PALS1: variants seen among roughly 807,000 people sequenced by gnomAD.
PALS1 encodes protein PALS1.
PALS1 carries 31 observed loss-of-function variants against 78.9 expected under a neutral mutation model. The ratio of observed to expected loss-of-function variants is 0.39; its 90% CI spans 0.30 to 0.53. PALS1 has a LOEUF of 0.53. PALS1 is among the 20% of genes least tolerant of loss of function. PALS1 has a pLI of 0.67. For missense variants in PALS1, 704 were observed against 826.5 expected, an observed-to-expected ratio of 0.85 and a Z score of 1.82; for synonymous variants, 276 against 270.9, an observed-to-expected ratio of 1.02 and a Z score of -0.18.
chr14:67,316,482 T>C (rs1266891139), intron 9 of PALS1, among the ~76,000 whole-genome samples: 1 of 152,194 alleles, frequency 6.6e-6, no homozygotes, highest in Non-Finnish European at 1.5e-5. Flanking sequence ...ATATCCTTAA[T>C]TTGAGATAAT....
At chr14:67,332,326 T>A (rs1370695058) in intron 14 of PALS1, among the ~76,000 whole-genome samples, 1 of 152,182 alleles carries the variant, frequency 6.6e-6, no homozygotes, top group African/African-American at 2.4e-5. Context: ...CTGCAGCAGA[T>A]AGTATAGGGC....
chr14:67,242,954 T>G (rs2083926025), intron 1 of PALS1, among the ~76,000 whole-genome samples: 1 of 152,186 alleles, frequency 6.6e-6, no homozygotes, highest in Non-Finnish European at 1.5e-5. Context: ...GTTTAGCTTT[T>G]ACATGATCTT....
At chr14:67,308,931 C>G (rs2085049571) in intron 8 of PALS1, among the ~76,000 whole-genome samples, 1 of 151,990 alleles carries the variant, frequency 6.6e-6, no homozygotes, top group Non-Finnish European at 1.5e-5. Flanking sequence ...TGTAAATAAA[C>G]TGATGAATCA....
chr14:67,299,833 G>C (rs2084908160), intron 4 of PALS1, among the ~76,000 whole-genome samples: 1 of 152,168 alleles, frequency 6.6e-6, no homozygotes, highest in Non-Finnish European at 1.5e-5. Flanking sequence ...TTATTGAGCT[G>C]ACTCAGTGTA....
intron 1 of PALS1, among the ~76,000 whole-genome samples, chr14:67,258,502 C>T (rs1190716579): frequency 6.6e-6 from 1 of 152,176 alleles, no homozygotes; most frequent in Admixed American, 6.5e-5. Flanking sequence ...CTTACTGCAG[C>T]CTTGACCTCC....
At position 67,310,808 on chromosome 14, in the gene PALS1, A is replaced by T. The variant is rs1453294931; in HGVS notation, c.1042-1719A>T. Among the ~76,000 whole-genome samples, 7 of 152,150 alleles carry T rather than the reference A, an allele frequency of 4.6e-5. No individual in the cohort carries two copies. The East Asian group carries it at 7.7e-4, about 17-fold the overall frequency. ...AATATTCTTTAATGACAAGCCAAAA[A>T]TTTTTTAAAAAGCCATTTATCTGTC... On this transcript the variant is annotated intron_variant, in intron 8 of 14. Coordinates refer to ENST00000261681, the MANE Select transcript of PALS1 (RefSeq NM_022474.4).
chr14:67,326,220 G>GTTTTT (rs1344517448), intron 14 of PALS1, among the ~76,000 whole-genome samples: 1 of 30,344 alleles, frequency 3.3e-5, no homozygotes, highest in African/African-American at 1.3e-4. Flanking sequence ...ATTTAGGTCT[G>GTTTTT]ATTTTTTTTT....
chr14:67,333,099 A>G lies in PALS1; in HGVS notation c.*143A>G, dbSNP rs2141073118. 1.5e-6 allele frequency: 1 copy of G among 675,876 alleles called. No homozygotes were observed. The highest frequency in any genetic ancestry group is 2.4e-6 in the Non-Finnish European group (1 of 417,502). 41.9% of individuals were successfully genotyped at this position (675,876 alleles called of 1,614,324 possible). A position where few individuals can be genotyped will look rare whatever the true frequency, so the allele number is the denominator to read the frequency against. ...GATCTGTTCTTAGATCTCTTGAATTAGTGAGACGACAGTTCCCTTAGGCAG... is the reference window on the plus strand; with the variant it reads ...GATCTGTTCTTAGATCTCTTGAATTGGTGAGACGACAGTTCCCTTAGGCAG... On this transcript the variant is annotated 3_prime_UTR_variant, in exon 15 of 15. Transcript: ENST00000261681.
intron 3 of PALS1, among the ~76,000 whole-genome samples, chr14:67,289,928 G>A (rs921288537): frequency 4.6e-5 from 7 of 151,844 alleles, no homozygotes; most frequent in African/African-American, 1.2e-4. Context: ...CCACCACCAC[G>A]CCCGGCTAAT....
intron 2 of PALS1, among the ~76,000 whole-genome samples, chr14:67,272,613 C>T (rs1177626880): frequency 1.3e-5 from 2 of 152,026 alleles, no homozygotes; most frequent in Admixed American, 6.6e-5. Flanking sequence ...CACTTTTTGC[C>T]CTCCTATATG....
At chr14:67,323,634 A>C (rs911839145) in intron 13 of PALS1, 68 bp from the exon 14 acceptor site, 4 of 418,432 alleles carry the variant, frequency 9.6e-6, no homozygotes, top group Admixed American at 9.0e-5. Context: ...ATATATATAT[A>C]TATCAGTATT....
At chr14:67,279,665 C>G in intron 3 of PALS1, 128 bp downstream of exon 3, 3 of 953,782 alleles carry the variant, frequency 3.1e-6, no homozygotes, top group Non-Finnish European at 4.4e-6. Flanking sequence ...GACCAAGATC[C>G]TTTGTTTTCG....
At chr14:67,266,191 T>C (rs2084319924) in intron 1 of PALS1, among the ~76,000 whole-genome samples, 1 of 152,140 alleles carries the variant, frequency 6.6e-6, no homozygotes, top group Non-Finnish European at 1.5e-5. Context: ...GAAATATATA[T>C]TTATTTAAAA....
At chr14:67,272,688 T>C (rs1314980059) in intron 2 of PALS1, among the ~76,000 whole-genome samples, 1 of 152,200 alleles carries the variant, frequency 6.6e-6, no homozygotes, top group Non-Finnish European at 1.5e-5. Context: ...AGACAGAGTC[T>C]CGCGCTGTCT....
intron 4 of PALS1, among the ~76,000 whole-genome samples, chr14:67,296,380 C>G (rs1180995551): frequency 4.6e-5 from 7 of 151,874 alleles, no homozygotes; most frequent in Non-Finnish European, 5.9e-5. Context: ...GTGGGCAGAT[C>G]ACGAGGTCAG....
At chr14:67,289,392 A>G (rs2084737494) in intron 3 of PALS1, among the ~76,000 whole-genome samples, 1 of 152,182 alleles carries the variant, frequency 6.6e-6, no homozygotes, top group African/African-American at 2.4e-5. Context: ...AGCTGATTTT[A>G]GGTAACTGGA....
intron 13 of PALS1, among the ~76,000 whole-genome samples, chr14:67,322,181 A>G (rs1029168741): frequency 6.6e-5 from 10 of 151,930 alleles, no homozygotes; most frequent in Non-Finnish European, 1.5e-4. Flanking sequence ...CCCCATCTCT[A>G]CCAAAAATTA....
chr14:67,328,163 T>C (rs1295691779), intron 14 of PALS1, among the ~76,000 whole-genome samples: 1 of 152,256 alleles, frequency 6.6e-6, no homozygotes, highest in African/African-American at 2.4e-5. Flanking sequence ...GACTTTTTAA[T>C]GATCGCCATT....
At chr14:67,292,323 T>G (rs1007550364) in intron 3 of PALS1, among the ~76,000 whole-genome samples, 188 bp from the exon 4 acceptor site, 4 of 152,212 alleles carry the variant, frequency 2.6e-5, no homozygotes, top group African/African-American at 9.6e-5. Context: ...AGTTATTCTG[T>G]TGTGTAATTT....
Sources: allele counts gnomAD v4.1 joint callset (sites outside exome capture counted in the v4.1 genomes callset), GRCh38; gene constraint gnomAD v4.1.1; transcripts MANE v1.5; gene names NCBI Gene and HGNC (gene_info 2026-07-23, HGNC 2026-07-21).